Variants in SETBP1 observed in about 807,000 individuals in gnomAD.
The protein encoded by SETBP1 is SET-binding protein.
A neutral mutation model predicts 101.0 loss-of-function variants in SETBP1; 9 were observed. The observed-to-expected ratio is 0.09, with a 90% CI of 0.05 to 0.16. The LOEUF is 0.16. Ranked by LOEUF, SETBP1 falls within the 10% of genes least tolerant of loss-of-function variation. The pLI, the probability that SETBP1 is intolerant of heterozygous loss-of-function variation, is 1.00. For missense variants in SETBP1, 1,858 were observed against 2,033.8 expected, an observed-to-expected ratio of 0.91 and a Z score of 1.66; for synonymous variants, 818 against 788.5, an observed-to-expected ratio of 1.04 and a Z score of -0.63.
chr18:44,869,232 C>T lies in SETBP1; in HGVS notation c.489C>T (p.Leu163=). ...EEERSHSKKK[L]LTASDLAASD... is the part of the protein sequence containing the mutation. ...AAAATTTCTTTATTCTTTTGCAGCT[C>T]CTCACAGCCAGTGACCTTGCAGCCA... Residue 163 remains leucine, a splice_region_variant and synonymous_variant, in exon 3 of 6, where the codon CTC becomes CTT. Coordinates refer to ENST00000649279, the MANE Select transcript of SETBP1 (RefSeq NM_015559.3). 6.2e-7 allele frequency: 1 copy of T among 1,614,048 alleles called. No homozygotes were observed. The highest frequency in any genetic ancestry group is 1.1e-5 in the South Asian group (1 of 91,080).
At chr18:44,849,893 T>C (rs963938838) in intron 2 of SETBP1, among the ~76,000 whole-genome samples, 6 of 152,236 alleles carry the variant, frequency 3.9e-5, no homozygotes, top group Admixed American at 6.5e-5. Flanking sequence ...TTATAATCAG[T>C]CACCTATTCC....
At chr18:44,904,550 A>G (rs2070128297) in intron 3 of SETBP1, among the ~76,000 whole-genome samples, 2 of 152,226 alleles carry the variant, frequency 1.3e-5, no homozygotes, top group African/African-American at 4.8e-5. Flanking sequence ...AGACTTAGCA[A>G]TGCAAAATCC....
At chr18:44,784,943 G>A (rs2071208032) in intron 2 of SETBP1, among the ~76,000 whole-genome samples, 2 of 152,160 alleles carry the variant, frequency 1.3e-5, no homozygotes, top group South Asian at 4.1e-4. Flanking sequence ...AGACATTTAT[G>A]TGAAACTGAA....
chr18:45,018,352 T>A (rs569176422), intron 4 of SETBP1, among the ~76,000 whole-genome samples: 4 of 152,200 alleles, frequency 2.6e-5, no homozygotes, highest in Non-Finnish European at 4.4e-5. Context: ...AATGGTAGTG[T>A]TAGTTGTGTG....
chr18:44,971,146 A>C (rs1165090566), intron 4 of SETBP1, among the ~76,000 whole-genome samples: 5 of 150,608 alleles, frequency 3.3e-5, no homozygotes, highest in Non-Finnish European at 7.4e-5. Context: ...TGTCCTTGTG[A>C]TAGTTTGCTC....
intron 2 of SETBP1, among the ~76,000 whole-genome samples, chr18:44,779,353 A>C (rs1299115705): frequency 2.0e-5 from 3 of 152,154 alleles, no homozygotes; most frequent in Admixed American, 6.5e-5. Context: ...GCAAGAGAAT[A>C]CTCGCCTCTG....
At position 44,995,739 on chromosome 18, in the gene SETBP1, A is replaced by T. The variant is rs192881955; in HGVS notation, c.4000+42399A>T. Among the ~76,000 whole-genome samples, 934 of 152,298 alleles carry T rather than the reference A, an allele frequency of 6.1e-3. 2 individuals are homozygous for T. Among genetic ancestry groups the T allele is most frequent in the Non-Finnish European group, 9.4e-3 (642 of 68,030 alleles). On this transcript the variant is annotated intron_variant, in intron 4 of 5. Coordinates refer to ENST00000649279, the MANE Select transcript of SETBP1 (RefSeq NM_015559.3). The stretch of plus-strand genomic sequence containing the variant: ...AAGGACCTTCTTGGTGCATCCTCAC[A>T]TGGTGGAAGGTAAAAAACAAAGATG...
chr18:44,908,484 G>A (rs573419469), intron 3 of SETBP1, among the ~76,000 whole-genome samples: 1 of 152,120 alleles, frequency 6.6e-6, no homozygotes, highest in South Asian at 2.1e-4. Flanking sequence ...TAGCACCCAT[G>A]TCAAAAGTCA....
At chr18:44,852,038 C>T (rs972333897) in intron 2 of SETBP1, among the ~76,000 whole-genome samples, 2 of 152,236 alleles carry the variant, frequency 1.3e-5, no homozygotes, top group Non-Finnish European at 2.9e-5. Context: ...ATCACACACA[C>T]AATAACCTCA....
intron 2 of SETBP1, among the ~76,000 whole-genome samples, chr18:44,846,007 G>A (rs895120971): frequency 1.3e-5 from 2 of 152,212 alleles, no homozygotes; most frequent in South Asian, 2.1e-4. Flanking sequence ...GTGCCTGAGA[G>A]CAGAAGCCTC....
At chr18:44,818,745 G>GCA (rs1466544490) in intron 2 of SETBP1, among the ~76,000 whole-genome samples, 5 of 108,150 alleles carry the variant, frequency 4.6e-5, no homozygotes, top group African/African-American at 1.3e-4. Flanking sequence ...GAAAAGACAC[G>GCA]CACACACTCA....
At chr18:44,957,665 G>T (rs2145135620) in intron 4 of SETBP1, among the ~76,000 whole-genome samples, 1 of 152,224 alleles carries the variant, frequency 6.6e-6, no homozygotes. Flanking sequence ...GGCAGTCTCT[G>T]CTGTCACTCA....
In SETBP1 at chr18:45,038,598, A is replaced by C; in HGVS notation, c.4114A>C (p.Ile1372Leu). 6.2e-7 allele frequency: 1 copy of C among 1,614,190 alleles called. No individual in the cohort carries two copies. The highest frequency in any genetic ancestry group is 8.5e-7 in the Non-Finnish European group (1 of 1,180,032). ...GCCAGCCGCAGTTGACAGTGTTACA[A>C]TTCCACCAGCCCCAGTGTTATCTCT... ...KKPAAVDSVT[I>L]PPAPVLSLLA... is the part of the protein sequence containing the mutation. The change falls in exon 5 of 6, where the codon ATT becomes CTT. Residue 1372 changes from isoleucine (I) to leucine (L), a missense_variant. By Grantham distance (5) the Ile-to-Leu change is conservative. Coordinates refer to ENST00000649279, the MANE Select transcript of SETBP1 (RefSeq NM_015559.3).
chr18:44,945,568 G>T (rs2071187903), intron 3 of SETBP1, among the ~76,000 whole-genome samples: 2 of 152,172 alleles, frequency 1.3e-5, no homozygotes, highest in Non-Finnish European at 2.9e-5. Context: ...TCTTGGGAAT[G>T]GGGAGAGAGG....
At position 44,766,844 on chromosome 18, in the gene SETBP1, T is replaced by C. The variant is rs145254266; in HGVS notation, c.486+65012T>C. 4.9e-4 allele frequency among the ~76,000 whole-genome samples: 74 copies of C among 152,304 alleles called. 1 individual carries two copies. The highest frequency in any genetic ancestry group is 1.7e-3 in the African/African-American group (70 of 41,584). On this transcript the variant is annotated intron_variant, in intron 2 of 5. Transcript: ENST00000649279. ...GATTAAGATGATAAATTTTATCTTA[T>C]GTGTATTTTATGCAATTTCAAAAAT... is the stretch of plus-strand genomic sequence containing the variant.
intron 2 of SETBP1, among the ~76,000 whole-genome samples, chr18:44,785,685 T>C (rs2071225711): frequency 6.6e-6 from 1 of 152,230 alleles, no homozygotes; most frequent in Non-Finnish European, 1.5e-5. Flanking sequence ...ATCTCCTTGC[T>C]GATTTTACCT....
intron 2 of SETBP1, among the ~76,000 whole-genome samples, chr18:44,706,060 A>G (rs2069209902): frequency 6.6e-6 from 1 of 152,206 alleles, no homozygotes; most frequent in Non-Finnish European, 1.5e-5. Flanking sequence ...GGTAGGAAGT[A>G]GAGGCTGAGG....
chr18:45,015,490 A>C (rs1477661431), intron 4 of SETBP1, among the ~76,000 whole-genome samples: 1 of 152,194 alleles, frequency 6.6e-6, no homozygotes, highest in Non-Finnish European at 1.5e-5. Flanking sequence ...GGGCCTTAAA[A>C]TACAACAGAC....
At chr18:44,994,028 G>A (rs530869024) in intron 4 of SETBP1, among the ~76,000 whole-genome samples, 21 of 151,868 alleles carry the variant, frequency 1.4e-4, no homozygotes, top group Non-Finnish European at 2.1e-4. Flanking sequence ...AATGAAACTC[G>A]TTTATCAAAA....
Sources: allele counts gnomAD v4.1 joint callset (sites outside exome capture counted in the v4.1 genomes callset), GRCh38; gene constraint gnomAD v4.1.1; transcripts MANE v1.5; gene names NCBI Gene and HGNC (gene_info 2026-07-23, HGNC 2026-07-21).